The following CSNK2A1 variants were observed in gnomAD, a reference collection of about 807,000 sequenced individuals.
CSNK2A1 encodes casein kinase 2 alpha 1.
Under a neutral mutation model 62.9 loss-of-function variants are expected in CSNK2A1, and 10 were observed. The ratio of observed to expected loss-of-function variants is 0.16; its 90% CI spans 0.10 to 0.27. The LOEUF (loss-of-function observed/expected upper bound fraction) is 0.27. Among genes scored for constraint, CSNK2A1 ranks in the 10% least tolerant of loss-of-function variants. The pLI is 1.00. For synonymous variants in CSNK2A1, 124 were observed against 167.8 expected (o/e 0.74, Z 2.02); for missense variants, 160 against 492.0 (o/e 0.33, Z 6.38).
At chr20:540,354 T>C (rs933173487) in intron 1 of CSNK2A1, among the ~76,000 whole-genome samples, 4 of 152,190 alleles carry the variant, frequency 2.6e-5, no homozygotes, top group South Asian at 2.1e-4. Context: ...CAGCTAAATA[T>C]ACAAGTTCAT....
chr20:500,215 T>A, intron 4 of CSNK2A1: 1 of 333,420 alleles, frequency 3.0e-6, no homozygotes, highest in Non-Finnish European at 5.6e-6. Flanking sequence ...TGTTAATGTT[T>A]TAAAACATGT....
intron 2 of CSNK2A1, among the ~76,000 whole-genome samples, chr20:514,030 C>T (rs911400012): frequency 1.3e-5 from 2 of 152,044 alleles, no homozygotes; most frequent in African/African-American, 2.4e-5. Flanking sequence ...TAAAAGGGTA[C>T]TAAGAGATTG....
chr20:511,126 C>T (rs1217127071), intron 2 of CSNK2A1, among the ~76,000 whole-genome samples: 3 of 151,932 alleles, frequency 2.0e-5, no homozygotes, highest in African/African-American at 7.3e-5. Flanking sequence ...ATCGCTTGAA[C>T]CCAGGAGTTC....
intron 1 of CSNK2A1, among the ~76,000 whole-genome samples, chr20:537,304 C>T (rs2019354124): frequency 6.6e-6 from 1 of 152,188 alleles, no homozygotes; most frequent in African/African-American, 2.4e-5. Context: ...TGCAAGAAAA[C>T]ATTATCACCA....
chr20:533,873 C>T (rs1006534392), intron 1 of CSNK2A1, among the ~76,000 whole-genome samples: 2 of 152,178 alleles, frequency 1.3e-5, no homozygotes, highest in African/African-American at 4.8e-5. Context: ...ACCCCAAACA[C>T]CTAAGAGAAA....
chr20:531,363 A>G (rs548671171), intron 1 of CSNK2A1, among the ~76,000 whole-genome samples: 7 of 152,164 alleles, frequency 4.6e-5, no homozygotes, highest in Non-Finnish European at 8.8e-5. Context: ...AAACCTGGAC[A>G]ACTCTTCATT....
intron 4 of CSNK2A1, among the ~76,000 whole-genome samples, chr20:503,896 G>A (rs943237686): frequency 5.9e-5 from 9 of 152,148 alleles, no homozygotes; most frequent in Admixed American, 1.3e-4. Context: ...AATACTTAGC[G>A]GGCAGGCGCA....
In CSNK2A1 at chr20:479,639, T is replaced by C. The variant is rs1311246971; in HGVS notation, c.*4322A>G. ...ACCACTTGCAGTAACATTACATTGC[T>C]TCTCTAATGGTTAAATTTAGCACAG... is the stretch of plus-strand genomic sequence containing the variant. On this transcript the variant is annotated 3_prime_UTR_variant, in exon 14 of 14. Coordinates refer to ENST00000217244, the MANE Select transcript of CSNK2A1 (RefSeq NM_177559.3). 6.6e-6 allele frequency: 1 copy of C among 152,376 alleles called. No individual in the cohort carries two copies. The highest frequency in any genetic ancestry group is 1.9e-4 in the East Asian group (1 of 5,192). The allele number at this position is 152,376 out of a possible 1,614,324, so 9.4% of individuals were successfully genotyped here. A position where few individuals can be genotyped will look rare whatever the true frequency, so the allele number is the denominator to read the frequency against.
At chr20:501,123 A>T (rs2018460057) in intron 4 of CSNK2A1, 1 of 148,720 alleles carries the variant, frequency 6.7e-6, no homozygotes, top group Admixed American at 6.7e-5. Flanking sequence ...GGAGTGTAGT[A>T]GCATGATCTC....
chr20:526,506 G>A (rs1555768515), intron 2 of CSNK2A1, among the ~76,000 whole-genome samples: 1 of 151,666 alleles, frequency 6.6e-6, no homozygotes, highest in Non-Finnish European at 1.5e-5. Flanking sequence ...AGCTACTCAG[G>A]AGGCTAAGGC....
chr20:531,988 T>A (rs2019221915), intron 1 of CSNK2A1, among the ~76,000 whole-genome samples: 1 of 152,210 alleles, frequency 6.6e-6, no homozygotes, highest in South Asian at 2.1e-4. Flanking sequence ...TTAAAGCATA[T>A]CCTTTGAATC....
rs2019503561 is a variant in CSNK2A1, at chr20:543,691, G to A, written c.-246C>T. ...AGGTACCTGTGGTGGAAGCGGCAGC[G>A]GCGGCGGCCGCTCTCCCCTCTGCTC... On this transcript the variant is annotated 5_prime_UTR_variant, in exon 1 of 14. Coordinates refer to ENST00000217244, the MANE Select transcript of CSNK2A1 (RefSeq NM_177559.3). The A allele has an allele frequency of 2.5e-6, 1 of 398,322 alleles. No homozygotes were observed. The highest frequency in any genetic ancestry group is 4.4e-6 in the Non-Finnish European group (1 of 226,050). The allele number at this position is 398,322 out of a possible 1,614,324, so 24.7% of individuals were successfully genotyped here.
At chr20:528,463 G>C (rs2019143131) in intron 1 of CSNK2A1, among the ~76,000 whole-genome samples, 1 of 152,142 alleles carries the variant, frequency 6.6e-6, no homozygotes, top group African/African-American at 2.4e-5. Flanking sequence ...GTGTAACAGG[G>C]TCTTGCTCTG....
Position 533,382 on chromosome 20 carries a change from C to T in CSNK2A1, c.-226-5333G>A, listed in dbSNP as rs542402106. ...TTAGGAGATTATAAATCCTAACATG[C>T]CCCTAGGGGCCTTCTGCTTTTATTC... On this transcript the variant is annotated intron_variant, in intron 1 of 13. Coordinates refer to ENST00000217244, the MANE Select transcript of CSNK2A1 (RefSeq NM_177559.3). Among the ~76,000 whole-genome samples, 3 of 152,282 alleles carry T rather than the reference C, an allele frequency of 2.0e-5. No homozygotes were observed. In the South Asian group the frequency reaches 6.2e-4, roughly 32 times the overall value.
chr20:491,878 C>T (rs2018242985), intron 9 of CSNK2A1, among the ~76,000 whole-genome samples: 1 of 152,170 alleles, frequency 6.6e-6, no homozygotes, highest in Admixed American at 6.5e-5. Flanking sequence ...GAGCCGAGAT[C>T]ATGCCACTGC....
Position 478,716 on chromosome 20 carries a change from T to C in CSNK2A1, c.*5245A>G, listed in dbSNP as rs1600359531. The C allele has an allele frequency of 2.8e-6, 1 of 355,266 alleles. No individual in the cohort carries two copies. Among genetic ancestry groups the C allele is most frequent in the Non-Finnish European group, 5.5e-6 (1 of 183,456 alleles). The allele number at this position is 355,266 out of a possible 1,614,324, so 22.0% of individuals were successfully genotyped here. Reference sequence around the variant, plus strand: ...GGCCAAGGCGGGTAGACTGTTGAGCTCAGGAGTTCAAGACCAGCCTGGGCA... The same window carrying C: ...GGCCAAGGCGGGTAGACTGTTGAGCCCAGGAGTTCAAGACCAGCCTGGGCA... On this transcript the variant is annotated 3_prime_UTR_variant, in exon 14 of 14. Transcript: ENST00000217244.
chr20:492,531 A>G (rs1834690815), intron 8 of CSNK2A1, 167 bp from the exon 9 acceptor site: 2 of 623,630 alleles, frequency 3.2e-6, no homozygotes, highest in South Asian at 4.5e-5. Flanking sequence ...AGCTTGACAA[A>G]CCTCTTTCTC....
chr20:514,267 C>T (rs1168509983), intron 2 of CSNK2A1, among the ~76,000 whole-genome samples: 1 of 151,870 alleles, frequency 6.6e-6, no homozygotes, highest in Admixed American at 6.6e-5. Context: ...TCACTTGAGC[C>T]TGGGAGGTCA....
In CSNK2A1 at chr20:483,536, G is replaced by A. The variant is rs1284891606; in HGVS notation, c.*425C>T. ...AGAAGCTACATTTTTGTAATCTCTG[G>A]AGAAGAGCACGAGATACCAACCCCC... On this transcript the variant is annotated 3_prime_UTR_variant, in exon 14 of 14. Transcript: ENST00000217244. 1 of 152,748 alleles carries A rather than the reference G, an allele frequency of 6.5e-6. No individual in the cohort carries two copies. Among genetic ancestry groups the A allele is most frequent in the Non-Finnish European group, 1.5e-5 (1 of 68,204 alleles). 9.5% of individuals were successfully genotyped at this position (152,748 alleles called of 1,614,324 possible).
Sources: allele counts gnomAD v4.1 joint callset (sites outside exome capture counted in the v4.1 genomes callset), GRCh38; gene constraint gnomAD v4.1.1; transcripts MANE v1.5; gene names NCBI Gene and HGNC (gene_info 2026-07-23, HGNC 2026-07-21).